SEPTIN7: variants seen among roughly 807,000 people sequenced by gnomAD.
SEPTIN7 encodes septin 7.
In SEPTIN7, 10 loss-of-function variants were observed where a neutral mutation model predicts 63.3. That is an observed-to-expected ratio of 0.16 (90% confidence interval 0.10 to 0.27). The LOEUF is 0.27. Among genes scored for constraint, SEPTIN7 ranks in the 10% least tolerant of loss-of-function variants. SEPTIN7 has a pLI of 1.00. For missense variants in SEPTIN7, 310 were observed against 521.0 expected, an observed-to-expected ratio of 0.59 and a Z score of 3.94; for synonymous variants, 131 against 165.3, an observed-to-expected ratio of 0.79 and a Z score of 1.59.
At chr7:35,894,765 A>C (rs867847522) in intron 11 of SEPTIN7, among the ~76,000 whole-genome samples, 5 of 152,200 alleles carry the variant, frequency 3.3e-5, no homozygotes, top group Non-Finnish European at 5.9e-5. Flanking sequence ...CTACTTGCTT[A>C]ATTTGTTCTT....
rs1171706731 is a variant in SEPTIN7 at position 35,824,875 on chromosome 7, AATAAG to A, written c.62-6613_62-6609del. 2.6e-5 allele frequency among the ~76,000 whole-genome samples: 4 copies of A among 151,746 alleles called. No individual in the cohort carries two copies. In the South Asian group the frequency reaches 6.2e-4, roughly 24 times the overall value. ...AACATGCAATCAGTATAAAATTATTAATAAGATATTTTTGATTCTTATACTAAGTC... is the reference window on the plus strand; with the variant it reads ...AACATGCAATCAGTATAAAATTATTAATATTTTTGATTCTTATACTAAGTC... On this transcript the variant is annotated intron_variant, in intron 1 of 13. Coordinates refer to ENST00000350320, the MANE Select transcript of SEPTIN7 (RefSeq NM_001788.6).
At chr7:35,834,964 CAG>C (rs1410648862) in intron 3 of SEPTIN7, among the ~76,000 whole-genome samples, 1 of 152,082 alleles carries the variant, frequency 6.6e-6, no homozygotes, top group African/African-American at 2.4e-5. Context: ...GAATCTGTAA[CAG>C]ATTTTTTTTT....
chr7:35,879,810 CTG>C lies in SEPTIN7; in HGVS notation c.513-9_513-8del. The C allele has an allele frequency of 7.2e-7, 1 of 1,379,614 alleles. No individual in the cohort carries two copies. 85.5% of individuals were successfully genotyped at this position (1,379,614 alleles called of 1,614,324 possible). A position where few individuals can be genotyped will look rare whatever the true frequency, so the allele number is the denominator to read the frequency against. On this transcript the variant is annotated splice_polypyrimidine_tract_variant and intron_variant, in intron 6 of 13. Transcript: ENST00000350320. ...CTGATCAATTCAGTCAAATTAAATA[CTG>C]TGTATTTCAGACTTAAACCATTGGA... is the stretch of plus-strand genomic sequence containing the variant.
Position 35,879,921 on chromosome 7 carries a change from G to T in SEPTIN7, c.611G>T (p.Cys204Phe). The T allele has an allele frequency of 6.3e-7, 1 of 1,588,290 alleles. No homozygotes were observed. The highest frequency in any genetic ancestry group is 2.3e-5 in the East Asian group (1 of 44,290). ...GCAGACACACTCACACCAGAGGAAT[G>T]CCAACAGTTTAAAAAACAGGTGAGC... Reference protein sequence around the residue: ...AKADTLTPEECQQFKKQIMKE... With the variant: ...AKADTLTPEEFQQFKKQIMKE... Residue 204 changes from cysteine to phenylalanine, a missense_variant, in exon 7 of 14, where the codon TGC becomes TTC. By Grantham distance (205) the Cys-to-Phe change is radical. Transcript: ENST00000350320.
intron 1 of SEPTIN7, among the ~76,000 whole-genome samples, chr7:35,828,634 C>T (rs1783643673): frequency 6.6e-6 from 1 of 152,212 alleles, no homozygotes; most frequent in Non-Finnish European, 1.5e-5. Context: ...GCCTTGGTCT[C>T]CCAAAGTGCT....
intron 3 of SEPTIN7, among the ~76,000 whole-genome samples, chr7:35,848,392 C>T (rs1027990144): frequency 1.3e-5 from 2 of 152,072 alleles, no homozygotes; most frequent in East Asian, 1.9e-4. Context: ...CTCAGCCTCC[C>T]GAGTAGCTGG....
At chr7:35,901,032 A>T (rs1169425260) in intron 12 of SEPTIN7, 2 of 152,226 alleles carry the variant, frequency 1.3e-5, no homozygotes, top group Non-Finnish European at 2.9e-5. Flanking sequence ...ATACGTGTGA[A>T]TACATAAATA....
At chr7:35,846,832 A>G (rs1222377513) in intron 3 of SEPTIN7, 3 of 152,466 alleles carry the variant, frequency 2.0e-5, no homozygotes. Flanking sequence ...AAGGGGGCCC[A>G]TAACTCCATG....
the SEPTIN7 span, among the ~76,000 whole-genome samples, chr7:35,913,447 TTCTC>T: frequency 6.6e-6 from 1 of 151,908 alleles, no homozygotes; most frequent in Admixed American, 6.6e-5. Context: ...TTCTTTCTCT[TTCTC>T]TCTTTCTTTC....
chr7:35,908,880 C>A (rs1354084417), downstream of SEPTIN7, among the ~76,000 whole-genome samples: 3 of 152,196 alleles, frequency 2.0e-5, no homozygotes, highest in Non-Finnish European at 4.4e-5. Context: ...AACTTTTTTA[C>A]CCCTCATTTA....
chr7:35,873,935 T>G, intron 6 of SEPTIN7, 160 bp downstream of exon 6: 1 of 625,720 alleles, frequency 1.6e-6, no homozygotes, highest in Non-Finnish European at 2.7e-6. Context: ...AAAAGCCATT[T>G]TAAGTCCTAT....
intron 3 of SEPTIN7, among the ~76,000 whole-genome samples, chr7:35,846,589 A>G (rs1784677572): frequency 2.0e-5 from 3 of 152,194 alleles, no homozygotes; most frequent in Non-Finnish European, 2.9e-5. Flanking sequence ...AGTGTCTTCA[A>G]TAAATAACTT....
intron 13 of SEPTIN7, among the ~76,000 whole-genome samples, chr7:35,903,480 T>C (rs893032375): frequency 1.1e-4 from 16 of 152,176 alleles, no homozygotes; most frequent in Admixed American, 3.3e-4. Flanking sequence ...CCAGTTAACT[T>C]ACCTTCATTG....
intron 1 of SEPTIN7, 151 bp downstream of exon 1, chr7:35,801,421 G>A (rs1248728378): frequency 2.1e-6 from 2 of 962,974 alleles, no homozygotes; most frequent in East Asian, 3.3e-5. Flanking sequence ...CGGGCCCGGG[G>A]CGCGGCAGCG....
In SEPTIN7 at chr7:35,904,997, AAATAG is replaced by A. The variant is rs1171933205; in HGVS notation, c.*709_*713del. The A allele has an allele frequency of 4.6e-5, 7 of 152,642 alleles. No individual in the cohort carries two copies. The highest frequency in any genetic ancestry group is 1.4e-4 in the African/African-American group (6 of 41,456). 9.5% of individuals were successfully genotyped at this position (152,642 alleles called of 1,614,324 possible). On this transcript the variant is annotated 3_prime_UTR_variant, in exon 14 of 14. Coordinates refer to ENST00000350320, the MANE Select transcript of SEPTIN7 (RefSeq NM_001788.6). ...TATTTTCCATATATTGGCACTGCTA[AAATAG>A]AATATAGCATCTTTCATATGGTAGG...
At position 35,904,321 on chromosome 7, in the gene SEPTIN7, T is replaced by C. The variant is rs1390225764; in HGVS notation, c.*28T>C. ...TCTCTATTGACCACCAGTTAACGTA[T>C]TAGTTGCCAATATGCCAGCTTGGAC... is the stretch of plus-strand genomic sequence containing the variant. On this transcript the variant is annotated 3_prime_UTR_variant, in exon 14 of 14. Transcript: ENST00000350320. 5.9e-6 allele frequency: 9 copies of C among 1,533,238 alleles called. No homozygotes were observed. In the East Asian group the frequency reaches 1.7e-4, roughly 29 times the overall value. 95.0% of individuals were successfully genotyped at this position (1,533,238 alleles called of 1,614,324 possible).
intron 1 of SEPTIN7, among the ~76,000 whole-genome samples, chr7:35,824,253 C>T (rs1365747484): frequency 6.6e-6 from 1 of 152,022 alleles, no homozygotes; most frequent in East Asian, 1.9e-4. Flanking sequence ...CAATCCAGAG[C>T]ATTTGGTATA....
chr7:35,836,432 C>T (rs1231544133), intron 3 of SEPTIN7, among the ~76,000 whole-genome samples: 1 of 152,100 alleles, frequency 6.6e-6, no homozygotes, highest in African/African-American at 2.4e-5. Context: ...TCAGTCATTT[C>T]TGTAATCTTG....
intron 1 of SEPTIN7, among the ~76,000 whole-genome samples, chr7:35,825,192 A>G (rs536473990): frequency 1.3e-5 from 2 of 152,286 alleles, no homozygotes; most frequent in Admixed American, 6.5e-5. Flanking sequence ...ATGTGAATTC[A>G]TGTGATTGTG....
Sources: gnomAD v4.1 joint callset for allele counts (sites outside exome capture counted in the v4.1 genomes callset) on GRCh38, gnomAD v4.1.1 for gene constraint, MANE v1.5 for transcripts, NCBI Gene and HGNC (gene_info 2026-07-23, HGNC 2026-07-21) for gene names.